The following CNTN6 variants were observed in gnomAD, a reference collection of about 807,000 sequenced individuals.
The protein encoded by CNTN6 is contactin-6.
In CNTN6, 137 loss-of-function variants were observed where a neutral mutation model predicts 122.8. The ratio of observed to expected loss-of-function variants is 1.12; its 90% CI spans 0.97 to 1.29. The LOEUF is 1.29. CNTN6 is among the 50% of genes most tolerant of loss of function. The pLI is 0.00. For synonymous variants in CNTN6, 570 were observed against 426.0 expected (o/e 1.34, Z -4.16); for missense variants, 1,634 against 1,223.4 (o/e 1.34, Z -5.01).
At chr3:1,280,843 T>A (rs1043184487) in intron 5 of CNTN6, among the ~76,000 whole-genome samples, 1 of 152,154 alleles carries the variant, frequency 6.6e-6, no homozygotes, top group Non-Finnish European at 1.5e-5. Flanking sequence ...TTTCTTGCTG[T>A]TAAGGTCCCT....
intron 11 of CNTN6, among the ~76,000 whole-genome samples, chr3:1,349,724 T>C (rs1294693794): frequency 6.6e-6 from 1 of 151,110 alleles, no homozygotes; most frequent in Non-Finnish European, 1.5e-5. Flanking sequence ...AACTGGAAAT[T>C]CTTTTATAGT....
intron 1 of CNTN6, among the ~76,000 whole-genome samples, chr3:1,132,693 C>T (rs931602972): frequency 8.7e-5 from 7 of 80,418 alleles, no homozygotes; most frequent in Admixed American, 1.3e-4. Flanking sequence ...AAATAAATAA[C>T]GTGAAGATGT....
At chr3:1,129,638 G>T (rs2092281071) in intron 1 of CNTN6, among the ~76,000 whole-genome samples, 1 of 152,014 alleles carries the variant, frequency 6.6e-6, no homozygotes, top group Admixed American at 6.6e-5. Flanking sequence ...TATGCAAAGT[G>T]CTATATTTAT....
intron 5 of CNTN6, among the ~76,000 whole-genome samples, chr3:1,280,821 G>A (rs989882830): frequency 6.6e-5 from 10 of 151,988 alleles, no homozygotes; most frequent in African/African-American, 1.2e-4. Flanking sequence ...CATATTTGTC[G>A]GCTGAATCAT....
At chr3:1,239,802 C>T (rs114520365) in intron 4 of CNTN6, among the ~76,000 whole-genome samples, 1,772 of 152,268 alleles carry the variant, frequency 0.012, 34 homozygotes, top group African/African-American at 0.038. Context: ...ACCAAAGCAA[C>T]ATGGTACTGT....
intron 12 of CNTN6, among the ~76,000 whole-genome samples, chr3:1,353,700 A>C (rs978604052): frequency 1.3e-5 from 2 of 151,728 alleles, no homozygotes; most frequent in African/African-American, 4.8e-5. Context: ...TAACAAGTTC[A>C]TTAACGGGAA....
chr3:1,300,599 AAGAAAG>A (rs879716416), intron 7 of CNTN6, among the ~76,000 whole-genome samples: 1,946 of 120,196 alleles, frequency 0.016, 52 homozygotes, highest in African/African-American at 0.088. Flanking sequence ...GAAAGAAAGA[AAGAAAG>A]AGAGAAAGAA....
intron 7 of CNTN6, among the ~76,000 whole-genome samples, chr3:1,320,601 ATATAAT>A (rs1210242135): frequency 3.3e-5 from 5 of 151,762 alleles, no homozygotes; most frequent in Admixed American, 1.3e-4. Flanking sequence ...TTAATTTGAA[ATATAAT>A]TAGAATAGAA....
At chr3:1,217,742 T>G (rs188822072) in intron 2 of CNTN6, among the ~76,000 whole-genome samples, 149 of 152,344 alleles carry the variant, frequency 9.8e-4, no homozygotes, top group Admixed American at 8.9e-3. Context: ...GTGCCTTCTC[T>G]GGGCTGATAA....
chr3:1,116,433 A>G (rs1389684050), intron 1 of CNTN6, among the ~76,000 whole-genome samples: 1 of 152,202 alleles, frequency 6.6e-6, no homozygotes, highest in Non-Finnish European at 1.5e-5. Context: ...AAACAATAAA[A>G]GCAATGAAAC....
rs1256860155 is a variant in CNTN6 at position 1,245,235 on chromosome 3, T to C, written c.358+17242T>C. On this transcript the variant is annotated intron_variant, in intron 4 of 22. Transcript: ENST00000446702. ...ATATATATATATATATATATATATA[T>C]ACACACACACATATATATATAACAT... Among the ~76,000 whole-genome samples, 42 of 6,916 alleles carry C rather than the reference T, an allele frequency of 6.1e-3. 3 individuals carry two copies. The highest frequency in any genetic ancestry group is 0.027 in the African/African-American group (27 of 998). 4.5% of individuals were successfully genotyped at this position (6,916 alleles called of 152,430 possible).
intron 8 of CNTN6, among the ~76,000 whole-genome samples, chr3:1,323,037 C>G (rs944157651): frequency 6.6e-6 from 1 of 151,414 alleles, no homozygotes; most frequent in East Asian, 1.9e-4. Flanking sequence ...ATATAATAGA[C>G]AAAGATATAA....
At chr3:1,349,317 C>T (rs1333210571) in intron 11 of CNTN6, among the ~76,000 whole-genome samples, 3 of 151,712 alleles carry the variant, frequency 2.0e-5, no homozygotes, top group Non-Finnish European at 4.4e-5. Context: ...ATCATTCATG[C>T]AAATCTCTAC....
intron 11 of CNTN6, 25 bp from the exon 12 acceptor site, chr3:1,352,299 T>C: frequency 6.7e-7 from 1 of 1,487,020 alleles, no homozygotes; most frequent in Non-Finnish European, 9.0e-7. Flanking sequence ...GCCTTACTTC[T>C]ATTAATGATG....
At chr3:1,129,579 C>A (rs1192895986) in intron 1 of CNTN6, among the ~76,000 whole-genome samples, 1 of 152,048 alleles carries the variant, frequency 6.6e-6, no homozygotes, top group African/African-American at 2.4e-5. Context: ...GCCTTTCTCA[C>A]ACTTATTTTG....
intron 7 of CNTN6, among the ~76,000 whole-genome samples, chr3:1,299,159 A>T (rs1341753422): frequency 6.6e-6 from 1 of 152,170 alleles, no homozygotes; most frequent in Non-Finnish European, 1.5e-5. Context: ...AGCATTTATC[A>T]AATAAATAAT....
chr3:1,306,590 A>G (rs1414396759), intron 7 of CNTN6, among the ~76,000 whole-genome samples: 1 of 152,146 alleles, frequency 6.6e-6, no homozygotes, highest in African/African-American at 2.4e-5. Flanking sequence ...TTCACTTGTC[A>G]ATAGCTGGAT....
At chr3:1,211,880 G>T (rs1428496750) in intron 2 of CNTN6, among the ~76,000 whole-genome samples, 1 of 152,134 alleles carries the variant, frequency 6.6e-6, no homozygotes. Flanking sequence ...AGTCAGCCAT[G>T]GCCCAAGGAA....
intron 7 of CNTN6, among the ~76,000 whole-genome samples, chr3:1,300,535 GAGAGAGAAAGAAAGAGAAAGAA>G (rs1559754831): frequency 3.6e-5 from 5 of 137,526 alleles, no homozygotes; most frequent in Admixed American, 7.5e-5. Flanking sequence ...GATAAAGAAA[GAGAGAGAAAGAAAGAGAAAGAA>G]AAAGAAAGAA....
Sources: allele counts gnomAD v4.1 joint callset (sites outside exome capture counted in the v4.1 genomes callset), GRCh38; gene constraint gnomAD v4.1.1; transcripts MANE v1.5; gene names NCBI Gene and HGNC (gene_info 2026-07-23, HGNC 2026-07-21).